The following DPYD variants were observed in gnomAD, a reference collection of about 807,000 sequenced individuals.
DPYD encodes the protein dihydropyrimidine dehydrogenase [NADP(+)].
Under a neutral mutation model 116.2 loss-of-function variants are expected in DPYD, and 109 were observed. That is an observed-to-expected ratio of 0.94 (90% CI 0.80 to 1.10). The LOEUF is 1.10. Among genes scored for constraint, DPYD ranks in the 50% least tolerant of loss-of-function variants. The probability of loss-of-function intolerance (pLI) is 0.00; values close to 1 mark genes in which losing one functional copy is unlikely to be tolerated. For synonymous variants in DPYD, 440 were observed against 432.0 expected (o/e 1.02, Z -0.23); for missense variants, 1,302 against 1,254.5 (o/e 1.04, Z -0.57).
rs566343434 is a variant in DPYD, at chr1:97,094,392, C to G, written c.2766+4097G>C. On this transcript the variant is annotated intron_variant, in intron 21 of 22. Coordinates refer to ENST00000370192, the MANE Select transcript of DPYD (RefSeq NM_000110.4). ...ACAGTTAATATAATGTTTTAGAATTCCAGGAAAGAATACGTAAGCAACACA... is the reference window on the plus strand; with the variant it reads ...ACAGTTAATATAATGTTTTAGAATTGCAGGAAAGAATACGTAAGCAACACA... Among the ~76,000 whole-genome samples, 5 of 152,112 alleles carry G rather than the reference C, an allele frequency of 3.3e-5. No homozygotes were observed. In the South Asian group the frequency reaches 1.0e-3, roughly 32 times the overall value.
chr1:97,252,674 C>G (rs573890905), intron 18 of DPYD, among the ~76,000 whole-genome samples: 1 of 152,276 alleles, frequency 6.6e-6, no homozygotes, highest in South Asian at 2.1e-4. Context: ...TTTTTCTCAA[C>G]AGAGCTCAGA....
At chr1:97,120,215 A>G (rs1288978449) in intron 20 of DPYD, among the ~76,000 whole-genome samples, 1 of 152,206 alleles carries the variant, frequency 6.6e-6, no homozygotes, top group East Asian at 1.9e-4. Context: ...CACCAACTGA[A>G]ATAGCCTTGC....
intron 11 of DPYD, among the ~76,000 whole-genome samples, chr1:97,550,513 C>T (rs891234843): frequency 6.6e-6 from 1 of 151,974 alleles, no homozygotes; most frequent in African/African-American, 2.4e-5. Flanking sequence ...ATAATCCTGA[C>T]ATGTGGAAGA....
chr1:97,288,752 C>A (rs1287156063), intron 18 of DPYD, among the ~76,000 whole-genome samples: 1 of 149,494 alleles, frequency 6.7e-6, no homozygotes, highest in Non-Finnish European at 1.5e-5. Context: ...CCAAAATTGA[C>A]ACCCTAACAT....
chr1:97,792,599 T>C (rs1374112202), intron 3 of DPYD, among the ~76,000 whole-genome samples: 1 of 152,190 alleles, frequency 6.6e-6, no homozygotes, highest in African/African-American at 2.4e-5. Flanking sequence ...CTAAATACTT[T>C]ACACACATAG....
chr1:97,172,888 T>G (rs568088956), intron 20 of DPYD, among the ~76,000 whole-genome samples: 3 of 152,152 alleles, frequency 2.0e-5, no homozygotes, highest in Non-Finnish European at 2.9e-5. Flanking sequence ...TACATAAACC[T>G]TACAGTGTTT....
Position 97,691,725 on chromosome 1 carries a change from C to G in DPYD, c.754G>C (p.Gly252Arg). 6.2e-7 allele frequency: 1 copy of G among 1,613,300 alleles called. No individual in the cohort carries two copies. Among genetic ancestry groups the G allele is most frequent in the South Asian group, 1.1e-5 (1 of 91,048 alleles). Reference sequence around the variant, plus strand: ...GTGTTTTTTTCATTTACCTTTACACCAAGGTCCTTCATTAGCTCAATCTCA... The same window carrying G: ...GTGTTTTTTTCATTTACCTTTACACGAAGGTCCTTCATTAGCTCAATCTCA... ...NFEIELMKDL[G>R]VKIICGKSLS... is the part of the protein sequence containing the mutation. Residue 252 changes from glycine to arginine, a missense_variant, in exon 7 of 23, where the codon GGT (glycine) becomes CGT (arginine). Gly to Arg is a moderately radical substitution (Grantham distance 125). Transcript: ENST00000370192.
intron 19 of DPYD, among the ~76,000 whole-genome samples, chr1:97,229,561 T>TATAC (rs954013547): frequency 4.7e-5 from 3 of 63,400 alleles, no homozygotes; most frequent in Admixed American, 1.8e-4. Context: ...TATATATATA[T>TATAC]ATATATATAT....
chr1:97,350,908 T>C (rs765274960), intron 16 of DPYD, among the ~76,000 whole-genome samples: 3 of 152,108 alleles, frequency 2.0e-5, no homozygotes, highest in Non-Finnish European at 4.4e-5. Flanking sequence ...CTGAGTCTTT[T>C]AGTAATGAAA....
intron 1 of DPYD, 112 bp downstream of exon 1, chr1:97,920,772 C>T (rs1016845426): frequency 2.5e-5 from 36 of 1,439,700 alleles, no homozygotes; most frequent in Non-Finnish European, 2.8e-6. Context: ...GGAAACTTTC[C>T]CGCGTCTCTC....
rs557914044 is a variant in DPYD, at chr1:97,125,119, T to C, written c.2623-26487A>G. Among the ~76,000 whole-genome samples, 75 of 152,258 alleles carry C rather than the reference T, an allele frequency of 4.9e-4. No homozygotes were observed. In the South Asian group the frequency reaches 7.7e-3, roughly 16 times the overall value. On this transcript the variant is annotated intron_variant, in intron 20 of 22. Coordinates refer to ENST00000370192, the MANE Select transcript of DPYD (RefSeq NM_000110.4). The stretch of plus-strand genomic sequence containing the variant: ...ACAAGTGGGGAAGAAATAAGCCACT[T>C]CTTTTGGGAAGTTATCAGTGGTTTC...
At chr1:97,536,484 T>A (rs1650006897) in intron 12 of DPYD, among the ~76,000 whole-genome samples, 1 of 152,228 alleles carries the variant, frequency 6.6e-6, no homozygotes, top group African/African-American at 2.4e-5. Context: ...TGGAAAGGTT[T>A]AGAGAAGAAG....
At chr1:97,426,930 C>A (rs1674900555) in intron 14 of DPYD, among the ~76,000 whole-genome samples, 1 of 151,886 alleles carries the variant, frequency 6.6e-6, no homozygotes, top group South Asian at 2.1e-4. Context: ...ACTTTTTAGG[C>A]CAAACTAGAA....
intron 12 of DPYD, among the ~76,000 whole-genome samples, chr1:97,524,402 C>T (rs914793098): frequency 2.0e-5 from 3 of 152,026 alleles, no homozygotes; most frequent in Non-Finnish European, 2.9e-5. Flanking sequence ...TTTTCCAAGC[C>T]CTAATTCCAT....
In DPYD at chr1:97,572,090, GA is replaced by G. The variant is rs958699511; in HGVS notation, c.1339+1669del. Among the ~76,000 whole-genome samples the G allele has an allele frequency of 4.0e-5, 6 of 149,702 alleles. No individual in the cohort carries two copies. In the South Asian group the frequency reaches 6.3e-4, roughly 16 times the overall value. On this transcript the variant is annotated intron_variant, in intron 11 of 22. Coordinates refer to ENST00000370192, the MANE Select transcript of DPYD (RefSeq NM_000110.4). Reference sequence around the variant, plus strand: ...AGTTTATTATTTCAAACCAGAAGAGGAAAAAAAAATAGCGAAGAAACATTTT... The same window carrying G: ...AGTTTATTATTTCAAACCAGAAGAGGAAAAAAAATAGCGAAGAAACATTTT...
chr1:97,284,537 A>C (rs1665537326), intron 18 of DPYD, among the ~76,000 whole-genome samples: 1 of 152,036 alleles, frequency 6.6e-6, no homozygotes, highest in Non-Finnish European at 1.5e-5. Flanking sequence ...ATATCTTTTA[A>C]TGTGCTGTTG....
At chr1:97,104,009 T>C (rs568982750) in intron 20 of DPYD, among the ~76,000 whole-genome samples, 3 of 152,210 alleles carry the variant, frequency 2.0e-5, no homozygotes, top group South Asian at 4.1e-4. Context: ...AGCTCAGTCT[T>C]CATAACACCT....
chr1:97,557,464 T>G (rs1310789609), intron 11 of DPYD, among the ~76,000 whole-genome samples: 1 of 151,810 alleles, frequency 6.6e-6, no homozygotes, highest in Non-Finnish European at 1.5e-5. Context: ...TACAGGCGCT[T>G]GTCACCACGC....
At chr1:97,865,160 C>G (rs1160261845) in intron 2 of DPYD, among the ~76,000 whole-genome samples, 1 of 151,810 alleles carries the variant, frequency 6.6e-6, no homozygotes, top group East Asian at 1.9e-4. Flanking sequence ...ACAACTTACA[C>G]AACAAGTTGG....
Sources: gnomAD v4.1 joint callset for allele counts (sites outside exome capture counted in the v4.1 genomes callset) on GRCh38, gnomAD v4.1.1 for gene constraint, MANE v1.5 for transcripts, NCBI Gene and HGNC (gene_info 2026-07-23, HGNC 2026-07-21) for gene names.